The following LATS2 variants were observed in gnomAD, a reference collection of about 807,000 sequenced individuals.
LATS2 encodes serine/threonine-protein kinase LATS2.
Under a neutral mutation model 76.0 loss-of-function variants are expected in LATS2, and 24 were observed. The observed-to-expected ratio is 0.32, with a 90% confidence interval of 0.23 to 0.44. LATS2 has a LOEUF of 0.44. LATS2 is among the 20% of genes least tolerant of loss of function. LATS2 has a pLI of 1.00. For synonymous variants in LATS2, 692 were observed against 635.4 expected (o/e 1.09, Z -1.34); for missense variants, 1,286 against 1,481.2 (o/e 0.87, Z 2.16).
At chr13:20,984,809 T>C (rs995363311) in intron 4 of LATS2, among the ~76,000 whole-genome samples, 6 of 152,158 alleles carry the variant, frequency 3.9e-5, no homozygotes, top group African/African-American at 1.2e-4. Context: ...ATTTTTCACA[T>C]TACTAGAAAA....
At chr13:20,989,416 C>A in intron 3 of LATS2, 112 bp from the exon 4 acceptor site, 7 of 1,119,168 alleles carry the variant, frequency 6.3e-6, no homozygotes, top group Admixed American at 2.1e-5. Flanking sequence ...GGGTCTTGAA[C>A]CCTGGGCCCT....
chr13:20,988,824 T>A lies in LATS2; in HGVS notation c.956A>T (p.Lys319Met), dbSNP rs760944913. The change falls in exon 4 of 8, where the codon AAG (lysine) becomes ATG (methionine). Residue 319 changes from lysine to methionine, a missense_variant. Physicochemically the swap from Lys to Met is moderately conservative, Grantham distance 95. Coordinates refer to ENST00000382592, the MANE Select transcript of LATS2 (RefSeq NM_014572.3). ...CTGGTGGGCCGCGGGACCGGCCTGC[T>A]TGTGGTGTGGGTGCGGCACGTAGAG... ...AGLYVPHPHH[K>M]QAGPAAHQLH... 6.3e-7 allele frequency: 1 copy of A among 1,597,178 alleles called. No individual in the cohort carries two copies. Among genetic ancestry groups the A allele is most frequent in the South Asian group, 1.1e-5 (1 of 90,712 alleles).
chr13:21,042,849 T>C (rs1356336781), intron 2 of LATS2, among the ~76,000 whole-genome samples: 2 of 151,352 alleles, frequency 1.3e-5, no homozygotes, highest in Non-Finnish European at 2.9e-5. Flanking sequence ...CCGGGCGTGG[T>C]GGTGGGTGCC....
At chr13:20,984,350 T>C (rs1043406401) in intron 4 of LATS2, among the ~76,000 whole-genome samples, 9 of 152,182 alleles carry the variant, frequency 5.9e-5, no homozygotes, top group Admixed American at 4.6e-4. Flanking sequence ...AAACTTCTAT[T>C]AACACAAATC....
intron 5 of LATS2, among the ~76,000 whole-genome samples, chr13:20,982,286 C>G (rs193181597): frequency 6.6e-6 from 1 of 152,284 alleles, no homozygotes; most frequent in Admixed American, 6.5e-5. Flanking sequence ...TAAGAGAGGG[C>G]TCCTTGGGAG....
intron 2 of LATS2, chr13:21,018,121 T>C (rs747697311): frequency 6.6e-6 from 1 of 152,224 alleles, no homozygotes; most frequent in Non-Finnish European, 1.5e-5. Context: ...CTGAGACTTT[T>C]AGGTAGAATA....
chr13:21,018,656 T>C (rs1199537824), intron 2 of LATS2, among the ~76,000 whole-genome samples: 1 of 150,878 alleles, frequency 6.6e-6, no homozygotes, highest in Non-Finnish European at 1.5e-5. Context: ...TTTCTCAGAG[T>C]CCCTCTTTTT....
chr13:21,048,314 A>G (rs1418057242), intron 1 of LATS2, among the ~76,000 whole-genome samples: 2 of 152,198 alleles, frequency 1.3e-5, no homozygotes, highest in Non-Finnish European at 2.9e-5. Flanking sequence ...TTCTTTTCCT[A>G]TAGGAATTCA....
chr13:20,988,117 C>T lies in LATS2; in HGVS notation c.1663G>A (p.Asp555Asn). The part of the protein sequence containing the change: ...RAGPNEPEGG[D>N]KSRKSAKGDK... Reference sequence around the variant, plus strand: ...CCCTTGGCGCTTTTGCGGCTCTTGTCGCCGCCCTCGGGCTCGTTGGGGCCC... The same window carrying T: ...CCCTTGGCGCTTTTGCGGCTCTTGTTGCCGCCCTCGGGCTCGTTGGGGCCC... The change falls in exon 4 of 8, where the codon GAC becomes AAC. Residue 555 changes from aspartate (D) to asparagine (N), a missense_variant. Around this residue, in one of 5 missense-constraint regions of LATS2, gnomAD observed 710 missense variants for 660.9 expected, o/e 1.07. Transcript: ENST00000382592. 1.2e-6 allele frequency: 2 copies of T among 1,614,210 alleles called. No homozygotes were observed. The highest frequency in any genetic ancestry group is 1.7e-6 in the Non-Finnish European group (2 of 1,180,038).
intron 2 of LATS2, among the ~76,000 whole-genome samples, chr13:21,009,051 C>G (rs892263416): frequency 6.6e-6 from 1 of 152,228 alleles, no homozygotes; most frequent in Non-Finnish European, 1.5e-5. Context: ...TGCCCATGCT[C>G]TTTCTTCACA....
chr13:21,034,395 T>C (rs937061434), intron 2 of LATS2, among the ~76,000 whole-genome samples: 1 of 152,140 alleles, frequency 6.6e-6, no homozygotes, highest in African/African-American at 2.4e-5. Flanking sequence ...TAAACCCCCA[T>C]GACCAAGTAA....
At position 20,989,217 on chromosome 13, in the gene LATS2, C is replaced by G. The variant is rs1482350488; in HGVS notation, c.563G>C (p.Gly188Ala). The G allele has an allele frequency of 6.2e-7, 1 of 1,613,860 alleles. No individual in the cohort carries two copies. Among genetic ancestry groups the G allele is most frequent in the Non-Finnish European group, 8.5e-7 (1 of 1,180,024 alleles). Residue 188 changes from glycine to alanine, a missense_variant, in exon 4 of 8, where the codon GGT (glycine) becomes GCT (alanine). This residue lies in a region of LATS2 where 710 missense variants were observed against 660.9 expected (regional missense o/e 1.07). Coordinates refer to ENST00000382592, the MANE Select transcript of LATS2 (RefSeq NM_014572.3). Reference protein sequence around the residue: ...DSFASYHQLSGTPYEGPSFGA... With the variant: ...DSFASYHQLSATPYEGPSFGA... ...GAAGCTTGGGCCCTCGTAGGGGGTA[C>G]CGCTCAGCTGGTGGTAGGACGCAAA...
chr13:20,984,912 G>C (rs149401941), intron 4 of LATS2, among the ~76,000 whole-genome samples: 349 of 152,238 alleles, frequency 2.3e-3, no homozygotes, highest in African/African-American at 7.8e-3. Context: ...TATGTTACAA[G>C]CCTAGAGTAA....
At chr13:20,983,080 G>A in intron 5 of LATS2, 144 bp downstream of exon 5, 1 of 578,338 alleles carries the variant, frequency 1.7e-6, no homozygotes, top group Non-Finnish European at 3.1e-6. Flanking sequence ...AGGGAAGGAT[G>A]TCACACCAAT....
At chr13:20,987,008 C>A (rs1870176758) in intron 4 of LATS2, among the ~76,000 whole-genome samples, 1 of 152,158 alleles carries the variant, frequency 6.6e-6, no homozygotes, top group African/African-American at 2.4e-5. Flanking sequence ...GTCTGACCAA[C>A]ATGGCGAAAC....
Position 20,988,396 on chromosome 13 carries a change from G to A in LATS2, c.1384C>T (p.His462Tyr). 1 of 1,387,670 alleles carries A rather than the reference G, an allele frequency of 7.2e-7. No homozygotes were observed. Among genetic ancestry groups the A allele is most frequent in the Non-Finnish European group, 9.2e-7 (1 of 1,081,328 alleles). 86.0% of individuals were successfully genotyped at this position (1,387,670 alleles called of 1,614,324 possible). Residue 462 changes from histidine to tyrosine, a missense_variant, in exon 4 of 8, where the codon CAC becomes TAC. His to Tyr is a moderately conservative substitution (Grantham distance 83, BLOSUM62 2). Around this residue, in one of 5 missense-constraint regions of LATS2, gnomAD observed 710 missense variants for 660.9 expected, o/e 1.07. Transcript: ENST00000382592. The stretch of plus-strand genomic sequence containing the variant: ...GCAGGCGCGGGCACCCAGGCGGGGT[G>A]CGAGGGCCCCACAGCCGTCTGCGGC... ...PEPQTAVGPS[H>Y]PAWVPAPAPA...
At chr13:21,005,799 T>C (rs1450781843) in intron 2 of LATS2, 1 of 72,860 alleles carries the variant, frequency 1.4e-5, no homozygotes, top group African/African-American at 5.1e-5. Context: ...GTGAGACCCC[T>C]ACTCTATAAA....
intron 4 of LATS2, among the ~76,000 whole-genome samples, chr13:20,986,659 T>C (rs191132759): frequency 1.2e-3 from 176 of 152,236 alleles, no homozygotes; most frequent in Non-Finnish European, 1.9e-3. Context: ...GAGAAGTTAA[T>C]TGGTGCAAAC....
chr13:21,006,442 T>G (rs1408741436), intron 2 of LATS2, among the ~76,000 whole-genome samples: 1 of 152,190 alleles, frequency 6.6e-6, no homozygotes, highest in East Asian at 1.9e-4. Context: ...AGTTATATGC[T>G]ATGATGAGAC....
Sources: allele counts gnomAD v4.1 joint callset (sites outside exome capture counted in the v4.1 genomes callset), GRCh38; gene constraint gnomAD v4.1.1; regional missense constraint gnomAD v4.1.1; transcripts MANE v1.5; gene names NCBI Gene and HGNC (gene_info 2026-07-23, HGNC 2026-07-21).